NCS1: variants seen among roughly 807,000 people sequenced by gnomAD.
NCS1 encodes neuronal calcium sensor 1, also known as frequenin homolog.
Under a neutral mutation model 28.4 loss-of-function variants are expected in NCS1, and 6 were observed. The ratio of observed to expected loss-of-function variants is 0.21; its 90% CI spans 0.12 to 0.42. The LOEUF (loss-of-function observed/expected upper bound fraction) is 0.42, where lower values mean the gene tolerates loss of function less well. NCS1 is among the 10% of genes least tolerant of loss of function. The pLI is 1.00. For synonymous variants in NCS1, 86 were observed against 99.3 expected (o/e 0.87, Z 0.79); for missense variants, 131 against 241.4 (o/e 0.54, Z 3.03).
chr9:130,224,135 C>T (rs1331087869), intron 6 of NCS1, among the ~76,000 whole-genome samples: 8 of 150,664 alleles, frequency 5.3e-5, no homozygotes, highest in Non-Finnish European at 8.9e-5. Flanking sequence ...CGTGAGCCAC[C>T]GTGCCTGGCC....
In NCS1 at chr9:130,175,328, G is replaced by T. The variant is rs1554904494; in HGVS notation, c.64+2601G>T. 1.3e-5 allele frequency among the ~76,000 whole-genome samples: 2 copies of T among 152,306 alleles called. No homozygotes were observed. Among genetic ancestry groups the T allele is most frequent in the East Asian group, 1.9e-4 (1 of 5,186 alleles). On this transcript the variant is annotated intron_variant, in intron 1 of 7. Coordinates refer to ENST00000372398, the MANE Select transcript of NCS1 (RefSeq NM_014286.4). The surrounding 1 kb of genome is among the most constrained non-coding windows in gnomAD (Gnocchi z 4.9). The stretch of plus-strand genomic sequence containing the variant: ...GGAGCCATCTGCTCTTTGTTCTGGG[G>T]GATTCTGTGTATGGGGTCAAGAGAA...
At chr9:130,223,240 C>T (rs114190719) in intron 6 of NCS1, 81 bp downstream of exon 6, 2 of 1,369,738 alleles carry the variant, frequency 1.5e-6, no homozygotes, top group African/African-American at 1.4e-5. Context: ...GGATCCTGGG[C>T]CTGGCTTTGC....
intron 1 of NCS1, among the ~76,000 whole-genome samples, chr9:130,187,770 A>G (rs1588110924): frequency 6.6e-6 from 1 of 152,118 alleles, no homozygotes; most frequent in African/African-American, 2.4e-5. Context: ...CCTCTGTTGC[A>G]TCTTGGGAGC....
intron 7 of NCS1, among the ~76,000 whole-genome samples, chr9:130,231,342 A>AT (rs1332530338): frequency 8.1e-6 from 1 of 123,240 alleles, no homozygotes; most frequent in African/African-American, 3.0e-5. Flanking sequence ...ATAAAGTGAG[A>AT]TTTTATCTCA....
intron 2 of NCS1, among the ~76,000 whole-genome samples, chr9:130,213,244 C>G: frequency 6.6e-6 from 1 of 152,160 alleles, no homozygotes; most frequent in East Asian, 1.9e-4. Context: ...TCTCCATACA[C>G]AGAGGGTGGG....
chr9:130,183,007 G>T (rs1832683815), intron 1 of NCS1, among the ~76,000 whole-genome samples: 1 of 152,186 alleles, frequency 6.6e-6, no homozygotes, highest in Non-Finnish European at 1.5e-5. Flanking sequence ...GTGTCTGTGG[G>T]GTGTGTGGCC....
chr9:130,202,964 A>T (rs934671672), intron 2 of NCS1, among the ~76,000 whole-genome samples: 11 of 151,946 alleles, frequency 7.2e-5, no homozygotes, highest in African/African-American at 2.7e-4. Context: ...GTTCAGAGAA[A>T]GTCCAGTTGG....
rs1224237957 is a variant in NCS1 at position 130,181,983 on chromosome 9, G to T, written c.64+9256G>T. On this transcript the variant is annotated intron_variant, in intron 1 of 7. Coordinates refer to ENST00000372398, the MANE Select transcript of NCS1 (RefSeq NM_014286.4). The surrounding 1 kb of genome is among the most constrained non-coding windows in gnomAD (Gnocchi z 5.0). ...CAGGCCGGGAGCCGCGCCAAAGGCT[G>T]GGAGCTCAGCTGCCAGGTCTGGAAC... Among the ~76,000 whole-genome samples, 1 of 152,054 alleles carries T rather than the reference G, an allele frequency of 6.6e-6. No homozygotes were observed. The highest frequency in any genetic ancestry group is 1.5e-5 in the Non-Finnish European group (1 of 67,970).
At chr9:130,183,310 G>GA (rs200850484) in intron 1 of NCS1, among the ~76,000 whole-genome samples, 5 of 131,214 alleles carry the variant, frequency 3.8e-5, no homozygotes, top group African/African-American at 1.5e-4. Context: ...TGCGGCTGGG[G>GA]GGGGGAGCTC....
chr9:130,178,602 A>G (rs1304072989), intron 1 of NCS1, among the ~76,000 whole-genome samples: 4 of 152,104 alleles, frequency 2.6e-5, no homozygotes, highest in African/African-American at 9.7e-5. Context: ...ACAGGAAGGA[A>G]TTTGGACATT....
chr9:130,221,988 C>CATAAATATAAATTATGTAT (rs1833328205), intron 4 of NCS1, among the ~76,000 whole-genome samples: 9 of 90,650 alleles, frequency 9.9e-5, no homozygotes, highest in African/African-American at 3.8e-4. Flanking sequence ...AATATATATA[C>CATAAATATAAATTATGTAT]ATAAATATAA....
rs1484088472 is a variant in NCS1, at chr9:130,215,255, G to A, written c.90-2577G>A. On this transcript the variant is annotated intron_variant, in intron 2 of 7. Transcript: ENST00000372398. This position sits in a 1 kb window ranked among gnomAD's most constrained non-coding sequence, Gnocchi z 4.2. ...CCTGGCCTGGGAGTCTGGAGTCATG[G>A]GCCAGGCTGAAACAGAAGAAACTCA... is the stretch of plus-strand genomic sequence containing the variant. 6.6e-6 allele frequency among the ~76,000 whole-genome samples: 1 copy of A among 152,164 alleles called. No homozygotes were observed. The highest frequency in any genetic ancestry group is 2.1e-4 in the South Asian group (1 of 4,828).
intron 2 of NCS1, among the ~76,000 whole-genome samples, chr9:130,213,013 G>C (rs941440167): frequency 6.6e-6 from 1 of 152,156 alleles, no homozygotes; most frequent in Non-Finnish European, 1.5e-5. Flanking sequence ...GTTGAGGCAG[G>C]CTCCCTCCTC....
Position 130,215,714 on chromosome 9 carries a change from G to T in NCS1, c.90-2118G>T, listed in dbSNP as rs1405558876. 1.3e-5 allele frequency among the ~76,000 whole-genome samples: 2 copies of T among 152,182 alleles called. No individual in the cohort carries two copies. The highest frequency in any genetic ancestry group is 2.9e-5 in the Non-Finnish European group (2 of 68,026). On this transcript the variant is annotated intron_variant, in intron 2 of 7. Transcript: ENST00000372398. The surrounding 1 kb of genome is among the most constrained non-coding windows in gnomAD (Gnocchi z 4.2). ...GCCTGGGTTTGGGCTGCTATTATGG[G>T]CTGTTACAAAGGCCTGTGGTTCCTG...
At chr9:130,187,013 T>C (rs1013161923) in intron 1 of NCS1, among the ~76,000 whole-genome samples, 6 of 152,176 alleles carry the variant, frequency 3.9e-5, no homozygotes, top group African/African-American at 1.4e-4. Context: ...GGGTTGCTGA[T>C]GGCCCCTGCT....
intron 2 of NCS1, among the ~76,000 whole-genome samples, chr9:130,204,715 G>A (rs1403634752): frequency 6.6e-6 from 1 of 152,240 alleles, no homozygotes; most frequent in Non-Finnish European, 1.5e-5. Context: ...TCTAGGAGTA[G>A]TGTGAAGAAT....
chr9:130,226,344 C>T lies in NCS1; in HGVS notation c.475-45C>T. Reference sequence around the variant, plus strand: ...CTGGGCTGGGCTTGTCTAGAGCCCTCTCCTGGGAGGCCCTGCACCCTCAGC... The same window carrying T: ...CTGGGCTGGGCTTGTCTAGAGCCCTTTCCTGGGAGGCCCTGCACCCTCAGC... On this transcript the variant is annotated intron_variant, in intron 6 of 7. Coordinates refer to ENST00000372398, the MANE Select transcript of NCS1 (RefSeq NM_014286.4). The surrounding 1 kb of genome is among the most constrained non-coding windows in gnomAD (Gnocchi z 4.8). 1 of 1,546,234 alleles carries T rather than the reference C, an allele frequency of 6.5e-7. No individual in the cohort carries two copies. Among genetic ancestry groups the T allele is most frequent in the Non-Finnish European group, 8.9e-7 (1 of 1,120,248 alleles).
intron 1 of NCS1, among the ~76,000 whole-genome samples, chr9:130,197,637 C>T (rs1274657584): frequency 1.3e-5 from 2 of 152,152 alleles, no homozygotes; most frequent in African/African-American, 4.8e-5. Flanking sequence ...TGGCCAGGAC[C>T]CCAGAGATGT....
chr9:130,231,165 AC>A (rs1833496743), intron 7 of NCS1, among the ~76,000 whole-genome samples: 1 of 151,978 alleles, frequency 6.6e-6, no homozygotes, highest in Admixed American at 6.6e-5. Flanking sequence ...AGCCTGGGCA[AC>A]ATGGTGAAAC....
Sources: allele counts gnomAD v4.1 joint callset (sites outside exome capture counted in the v4.1 genomes callset), GRCh38; gene constraint gnomAD v4.1.1; non-coding constraint Gnocchi (gnomAD v3.1); transcripts MANE v1.5; gene names NCBI Gene and HGNC (gene_info 2026-07-23, HGNC 2026-07-21).